ADAMTS17: variants seen among roughly 807,000 people sequenced by gnomAD.
ADAMTS17 encodes ADAM metallopeptidase with thrombospondin type 1 motif 17.
A neutral mutation model predicts 141.5 loss-of-function variants in ADAMTS17; 113 were observed. The observed-to-expected ratio is 0.80, with a 90% CI of 0.69 to 0.93. The LOEUF (loss-of-function observed/expected upper bound fraction) is 0.93. Among genes scored for constraint, ADAMTS17 ranks in the 40% least tolerant of loss-of-function variants. ADAMTS17 has a pLI of 0.00. For synonymous variants in ADAMTS17, 768 were observed against 630.6 expected (o/e 1.22, Z -3.27); for missense variants, 1,659 against 1,517.9 (o/e 1.09, Z -1.54).
At chr15:100,064,801 G>C (rs780932913) in intron 15 of ADAMTS17, among the ~76,000 whole-genome samples, 1 of 152,222 alleles carries the variant, frequency 6.6e-6, no homozygotes, top group Non-Finnish European at 1.5e-5. Context: ...GCCAGTAAGT[G>C]AGCCTAACAT....
intron 4 of ADAMTS17, among the ~76,000 whole-genome samples, chr15:100,274,108 T>C (rs2044001231): frequency 6.6e-6 from 1 of 152,192 alleles, no homozygotes; most frequent in Non-Finnish European, 1.5e-5. Flanking sequence ...ACATGGTCTA[T>C]CCTGCAGAAT....
chr15:100,072,281 T>C (rs2141735517), intron 15 of ADAMTS17, among the ~76,000 whole-genome samples: 1 of 148,442 alleles, frequency 6.7e-6, no homozygotes, highest in Non-Finnish European at 1.5e-5. Context: ...GGAAGAACAT[T>C]CCATGCTCAT....
At chr15:100,340,420 G>A (rs879797006) in intron 2 of ADAMTS17, among the ~76,000 whole-genome samples, 1 of 152,164 alleles carries the variant, frequency 6.6e-6, no homozygotes, top group Non-Finnish European at 1.5e-5. Context: ...TTGGGGGTGG[G>A]CACCAGATAA....
chr15:100,163,421 T>C (rs946176968), intron 8 of ADAMTS17, among the ~76,000 whole-genome samples: 1 of 150,760 alleles, frequency 6.6e-6, no homozygotes, highest in African/African-American at 2.5e-5. Flanking sequence ...TGGTGCTTCA[T>C]GATCCACATT....
chr15:100,294,185 T>C (rs2044732940), intron 3 of ADAMTS17, among the ~76,000 whole-genome samples: 1 of 152,180 alleles, frequency 6.6e-6, no homozygotes, highest in East Asian at 1.9e-4. Context: ...GGCACTGTCA[T>C]TATTGCTGTT....
chr15:100,206,287 G>C (rs543119119), intron 7 of ADAMTS17, among the ~76,000 whole-genome samples: 1 of 152,190 alleles, frequency 6.6e-6, no homozygotes, highest in Non-Finnish European at 1.5e-5. Flanking sequence ...CACCTCAGCA[G>C]CACTGCACCG....
intron 2 of ADAMTS17, among the ~76,000 whole-genome samples, chr15:100,335,128 C>T (rs1364921731): frequency 6.6e-6 from 1 of 152,152 alleles, no homozygotes; most frequent in Non-Finnish European, 1.5e-5. Flanking sequence ...CCACCCCAGA[C>T]CTGCTACATC....
chr15:100,195,212 G>C (rs973655490), intron 8 of ADAMTS17, among the ~76,000 whole-genome samples: 6 of 152,082 alleles, frequency 3.9e-5, no homozygotes, highest in South Asian at 2.1e-4. Flanking sequence ...CAGCAGCAAG[G>C]GTGGCCCCTC....
intron 10 of ADAMTS17, among the ~76,000 whole-genome samples, chr15:100,142,715 A>C (rs1326609312): frequency 6.6e-6 from 1 of 152,198 alleles, no homozygotes; most frequent in Admixed American, 6.5e-5. Context: ...CTTCTCAGGC[A>C]CTGTGTGATC....
At chr15:100,034,427 G>A (rs1031851700) in intron 18 of ADAMTS17, among the ~76,000 whole-genome samples, 1 of 152,210 alleles carries the variant, frequency 6.6e-6, no homozygotes, top group African/African-American at 2.4e-5. Context: ...AGGCCTGGCC[G>A]GCCAACAAGG....
chr15:100,319,516 C>G (rs1187106968), intron 3 of ADAMTS17, among the ~76,000 whole-genome samples: 1 of 152,120 alleles, frequency 6.6e-6, no homozygotes, highest in Non-Finnish European at 1.5e-5. Context: ...TGAGAACAGC[C>G]TGGCCAACAT....
intron 3 of ADAMTS17, among the ~76,000 whole-genome samples, chr15:100,330,465 G>C (rs1428228643): frequency 6.6e-6 from 1 of 152,180 alleles, no homozygotes; most frequent in East Asian, 1.9e-4. Context: ...CACACTGTAA[G>C]AATCGAGAAT....
intron 7 of ADAMTS17, among the ~76,000 whole-genome samples, chr15:100,228,612 G>C (rs148931633): frequency 1.3e-5 from 2 of 152,332 alleles, no homozygotes; most frequent in East Asian, 3.9e-4. Context: ...GGACATGTGA[G>C]AGACCACGAG....
chr15:100,262,470 G>A (rs1037504656), intron 4 of ADAMTS17, 35 bp from the exon 5 acceptor site: 1 of 1,575,204 alleles, frequency 6.3e-7, no homozygotes, highest in Non-Finnish European at 8.7e-7. Flanking sequence ...AAGATATAAA[G>A]ATAAAAAATT....
chr15:100,319,109 A>C (rs1339935305), intron 3 of ADAMTS17, among the ~76,000 whole-genome samples: 2 of 152,256 alleles, frequency 1.3e-5, no homozygotes, highest in Non-Finnish European at 2.9e-5. Context: ...GACTCAGTGA[A>C]GACTTTTCCA....
chr15:100,335,931 G>A (rs1273534702), intron 2 of ADAMTS17, among the ~76,000 whole-genome samples: 1 of 152,192 alleles, frequency 6.6e-6, no homozygotes, highest in Non-Finnish European at 1.5e-5. Context: ...CCAGGGAAAA[G>A]TTAACCAACC....
chr15:100,075,990 A>G (rs10468188), intron 15 of ADAMTS17, among the ~76,000 whole-genome samples: 134,656 of 152,176 alleles, frequency 0.88, 60,116 homozygotes, highest in South Asian at 0.97. Context: ...GCTTCATTGT[A>G]TCACTGTTTC....
In ADAMTS17 at chr15:100,054,067, T is replaced by C. The variant is rs2032359159; in HGVS notation, c.2138-13A>G. On this transcript the variant is annotated splice_polypyrimidine_tract_variant and intron_variant, in intron 15 of 21. Transcript: ENST00000268070. ...GAGTCTTTGAGAGCTAGAAAGCAAG[T>C]TGAAGACCAAAGAATCAAGGGGCTG... is the stretch of plus-strand genomic sequence containing the variant. 5 of 1,614,164 alleles carry C rather than the reference T, an allele frequency of 3.1e-6. No homozygotes were observed. The highest frequency in any genetic ancestry group is 2.2e-5 in the East Asian group (1 of 44,878).
intron 8 of ADAMTS17, among the ~76,000 whole-genome samples, chr15:100,157,633 T>C (rs1388348980): frequency 6.6e-6 from 1 of 152,120 alleles, no homozygotes; most frequent in Admixed American, 6.6e-5. Context: ...GAGCATTTGG[T>C]AAAAATATTT....
Sources: allele counts gnomAD v4.1 joint callset (sites outside exome capture counted in the v4.1 genomes callset), GRCh38; gene constraint gnomAD v4.1.1; transcripts MANE v1.5; gene names NCBI Gene and HGNC (gene_info 2026-07-23, HGNC 2026-07-21).